Variants in STARD13 observed in about 807,000 individuals in gnomAD.
STARD13 encodes the protein StAR related lipid transfer domain containing 13.
Under a neutral mutation model 106.4 loss-of-function variants are expected in STARD13, and 62 were observed. The ratio of observed to expected loss-of-function variants is 0.58; its 90% CI spans 0.48 to 0.72. The LOEUF is 0.72. Among genes scored for constraint, STARD13 ranks in the 30% least tolerant of loss-of-function variants. The pLI is 0.00. For synonymous variants in STARD13, 565 were observed against 553.0 expected (o/e 1.02, Z -0.31); for missense variants, 1,387 against 1,424.0 (o/e 0.97, Z 0.42).
intron 1 of STARD13, among the ~76,000 whole-genome samples, chr13:33,241,801 C>T (rs988515693): frequency 1.3e-5 from 2 of 152,174 alleles, no homozygotes; most frequent in East Asian, 1.9e-4. Context: ...CTCAGCCTCC[C>T]GAGGTGCCGG....
chr13:33,640,168 T>C, the STARD13 span, among the ~76,000 whole-genome samples: 322 of 152,308 alleles, frequency 2.1e-3, 1 homozygote, highest in African/African-American at 7.4e-3. Context: ...TTCTGTGTCT[T>C]AGGCACCATT....
At chr13:33,610,764 C>G in the STARD13 span, among the ~76,000 whole-genome samples, 13 of 152,222 alleles carry the variant, frequency 8.5e-5, no homozygotes, top group Admixed American at 5.2e-4. Flanking sequence ...CCGCTGAGAT[C>G]AGGACTGAAG....
intron 1 of STARD13, among the ~76,000 whole-genome samples, chr13:33,215,791 G>A (rs1194269261): frequency 6.6e-6 from 1 of 152,172 alleles, no homozygotes; most frequent in Non-Finnish European, 1.5e-5. Context: ...CAGAATGGAA[G>A]AAAATCTTCA....
At chr13:33,536,683 A>G in the STARD13 span, among the ~76,000 whole-genome samples, 6 of 152,226 alleles carry the variant, frequency 3.9e-5, no homozygotes, top group African/African-American at 1.2e-4. Context: ...AAACTGGTAG[A>G]TACCTCTTTT....
the STARD13 span, among the ~76,000 whole-genome samples, chr13:33,616,576 G>A: frequency 6.6e-6 from 1 of 152,178 alleles, no homozygotes; most frequent in South Asian, 2.1e-4. Flanking sequence ...ACAAGGCATG[G>A]GAAAAGTCTA....
chr13:33,335,640 C>T (rs374959261), intron 1 of STARD13, among the ~76,000 whole-genome samples: 21 of 152,350 alleles, frequency 1.4e-4, no homozygotes, highest in African/African-American at 4.6e-4. Flanking sequence ...ATAGTCAACA[C>T]GTACCATTAT....
chr13:33,392,192 T>G, the STARD13 span, among the ~76,000 whole-genome samples: 1 of 152,152 alleles, frequency 6.6e-6, no homozygotes, highest in Non-Finnish European at 1.5e-5. Flanking sequence ...TTCTCCACCT[T>G]GTTTTTCTTG....
the STARD13 span, among the ~76,000 whole-genome samples, chr13:33,460,135 G>A: frequency 6.6e-6 from 1 of 151,720 alleles, no homozygotes; most frequent in East Asian, 1.9e-4. Flanking sequence ...ATTTTTTTCT[G>A]TTTTCCCCTT....
downstream of STARD13, among the ~76,000 whole-genome samples, chr13:33,346,628 A>T (rs2078019808): frequency 6.6e-6 from 1 of 151,772 alleles, no homozygotes; most frequent in Admixed American, 6.6e-5. Flanking sequence ...TTATTTATTT[A>T]TTTATTTTTT....
At position 33,334,275 on chromosome 13, in the gene STARD13, G is replaced by C. The variant is rs563111634; in HGVS notation, c.124+16015C>G. On this transcript the variant is annotated intron_variant, in intron 1 of 5. Coordinates refer to the STARD13 transcript ENST00000567873. The stretch of plus-strand genomic sequence containing the variant: ...GCAGAGGGTGAAAGACTTTTTTATT[G>C]CAAGACAAAGTTTCTCTATTCTACT... Among the ~76,000 whole-genome samples, 16 of 152,250 alleles carry C rather than the reference G, an allele frequency of 1.1e-4. No homozygotes were observed. In the South Asian group the frequency reaches 3.1e-3, roughly 30 times the overall value.
intron 1 of STARD13, among the ~76,000 whole-genome samples, chr13:33,174,665 C>T (rs569023595): frequency 6.6e-6 from 1 of 152,312 alleles, no homozygotes; most frequent in Admixed American, 6.5e-5. Context: ...GCCACTACAA[C>T]TTGAGGGGCA....
At chr13:33,358,748 G>C in the STARD13 span, among the ~76,000 whole-genome samples, 3 of 151,802 alleles carry the variant, frequency 2.0e-5, no homozygotes, top group Admixed American at 2.0e-4. Flanking sequence ...AGCTGCTCTG[G>C]TGAGGATGTG....
chr13:33,540,505 A>G, the STARD13 span, among the ~76,000 whole-genome samples: 1 of 152,214 alleles, frequency 6.6e-6, no homozygotes, highest in Admixed American at 6.5e-5. Context: ...GCAGCATGAG[A>G]TTTCATCACA....
At chr13:33,253,236 G>C (rs187451427) in intron 1 of STARD13, among the ~76,000 whole-genome samples, 1 of 152,110 alleles carries the variant, frequency 6.6e-6, no homozygotes, top group African/African-American at 2.4e-5. Context: ...CTTAGACCTC[G>C]GTAGAAAGAC....
chr13:33,379,102 C>T, the STARD13 span, among the ~76,000 whole-genome samples: 1 of 152,004 alleles, frequency 6.6e-6, no homozygotes, highest in Non-Finnish European at 1.5e-5. Flanking sequence ...AGAATAATAC[C>T]CTATCTCAAA....
intron 12 of STARD13, among the ~76,000 whole-genome samples, chr13:33,109,645 G>A (rs1179338166): frequency 6.6e-6 from 1 of 152,242 alleles, no homozygotes; most frequent in Non-Finnish European, 1.5e-5. Context: ...TGCTCCACAA[G>A]GAGAGGGGCA....
the STARD13 span, among the ~76,000 whole-genome samples, chr13:33,461,339 T>G: frequency 6.6e-6 from 1 of 152,086 alleles, no homozygotes; most frequent in Non-Finnish European, 1.5e-5. Flanking sequence ...TGGGAGAAAA[T>G]TAGGATATGC....
chr13:33,666,667 T>C, the STARD13 span, among the ~76,000 whole-genome samples: 1 of 152,068 alleles, frequency 6.6e-6, no homozygotes. Flanking sequence ...CTCGACTCAC[T>C]GCAACCTCTG....
chr13:33,286,117 G>C (rs1315101064), upstream of STARD13, among the ~76,000 whole-genome samples: 1 of 152,102 alleles, frequency 6.6e-6, no homozygotes, highest in Admixed American at 6.5e-5. Context: ...GGCAGCAGCA[G>C]CCAGGTAAAA....
Sources: allele counts gnomAD v4.1 joint callset (sites outside exome capture counted in the v4.1 genomes callset), GRCh38; gene constraint gnomAD v4.1.1; transcripts MANE v1.5; gene names NCBI Gene and HGNC (gene_info 2026-07-23, HGNC 2026-07-21).